Variants in TMEM61 observed in about 807,000 individuals in gnomAD.
TMEM61 encodes transmembrane protein 61.
A neutral mutation model predicts 12.0 loss-of-function variants in TMEM61; 13 were observed. The ratio of observed to expected loss-of-function variants is 1.08; its 90% CI spans 0.70 to 1.72. TMEM61 has a LOEUF of 1.72. Ranked by LOEUF, TMEM61 falls within the 40% of genes most tolerant of loss-of-function variation. The probability of loss-of-function intolerance (pLI) is 0.00; values close to 1 mark genes in which losing one functional copy is unlikely to be tolerated. For synonymous variants in TMEM61, 109 were observed against 121.4 expected, an observed-to-expected ratio of 0.90 and a Z score of 0.67; for missense variants, 249 against 276.9, an observed-to-expected ratio of 0.90 and a Z score of 0.71.
At chr1:54,981,115 C>A in intron 1 of TMEM61, 35 bp downstream of exon 1, 1 of 1,575,186 alleles carries the variant, frequency 6.3e-7, no homozygotes, top group Non-Finnish European at 8.6e-7. Context: ...CCTTTACGGG[C>A]ACTCAGCCCC....
chr1:54,991,725 C>A, intron 2 of TMEM61, 111 bp from the exon 3 acceptor site: 1 of 1,318,448 alleles, frequency 7.6e-7, no homozygotes, highest in Non-Finnish European at 1.1e-6. Flanking sequence ...GCCACAAAGG[C>A]TTGGAGCAGG....
At chr1:54,982,395 C>T (rs538616939) in intron 1 of TMEM61, among the ~76,000 whole-genome samples, 2 of 152,282 alleles carry the variant, frequency 1.3e-5, no homozygotes, top group South Asian at 4.1e-4. Flanking sequence ...CTGATAGTGA[C>T]ATCCCTGACC....
At position 54,990,523 on chromosome 1, in the gene TMEM61, T is replaced by C. The variant is rs192581690; in HGVS notation, c.366-1313T>C. Among the ~76,000 whole-genome samples, 551 of 152,284 alleles carry C rather than the reference T, an allele frequency of 3.6e-3. 10 individuals carry two copies. The South Asian group carries it at 0.05, about 14-fold the overall frequency. ...CCGTCAGCTAAGTCCCATCTACTGC[T>C]TCTTCTGTTCCCCAGACTGGCCTCT... is the stretch of plus-strand genomic sequence containing the variant. On this transcript the variant is annotated intron_variant, in intron 2 of 2. Transcript: ENST00000371268.
chr1:54,987,802 C>T (rs993977563), intron 2 of TMEM61, among the ~76,000 whole-genome samples: 1 of 152,206 alleles, frequency 6.6e-6, no homozygotes, highest in African/African-American at 2.4e-5. Flanking sequence ...CCCTGGATCC[C>T]TGTGTGTGAG....
intron 1 of TMEM61, 146 bp from the exon 2 acceptor site, chr1:54,985,951 A>G: frequency 1.5e-6 from 1 of 665,250 alleles, no homozygotes; most frequent in Non-Finnish European, 2.4e-6. Flanking sequence ...CATCATCTCC[A>G]CTTCACAGAT....
At chr1:54,981,195 C>T (rs1336967271) in intron 1 of TMEM61, 115 bp downstream of exon 1, 15 of 1,219,164 alleles carry the variant, frequency 1.2e-5, no homozygotes, top group Non-Finnish European at 1.6e-5. Flanking sequence ...GCAGTGTGGA[C>T]ACCCGGGGCT....
intron 2 of TMEM61, among the ~76,000 whole-genome samples, chr1:54,990,371 C>T (rs1644287522): frequency 6.6e-6 from 1 of 152,266 alleles, no homozygotes; most frequent in East Asian, 1.9e-4. Context: ...GTGAGCCTCC[C>T]AGCAGGCTGC....
At chr1:54,981,337 G>A (rs971892393) in intron 1 of TMEM61, among the ~76,000 whole-genome samples, 7 of 152,204 alleles carry the variant, frequency 4.6e-5, no homozygotes, top group Admixed American at 2.0e-4. Flanking sequence ...CCTTATTGGG[G>A]CCTGGTGCGG....
At chr1:54,987,170 A>G (rs1644266599) in intron 2 of TMEM61, among the ~76,000 whole-genome samples, 1 of 152,198 alleles carries the variant, frequency 6.6e-6, no homozygotes, top group Non-Finnish European at 1.5e-5. Context: ...CCCACTCCCT[A>G]CTTCAGGTGA....
At chr1:54,985,320 T>C (rs1417685590) in intron 1 of TMEM61, among the ~76,000 whole-genome samples, 2 of 152,194 alleles carry the variant, frequency 1.3e-5, no homozygotes, top group Non-Finnish European at 2.9e-5. Context: ...CACTACAACC[T>C]CTGCCTCCCA....
chr1:54,981,382 C>T (rs1406726313), intron 1 of TMEM61, among the ~76,000 whole-genome samples: 2 of 152,172 alleles, frequency 1.3e-5, no homozygotes, highest in Non-Finnish European at 2.9e-5. Context: ...CTTTGGGAGG[C>T]CGAGGCGGGC....
rs757297246 is a variant in TMEM61 at position 54,991,973 on chromosome 1, C to G, written c.503C>G (p.Thr168Ser). Residue 168 changes from threonine to serine, a missense_variant, in exon 3 of 3, where the codon ACC (threonine) becomes AGC (serine). Coordinates refer to ENST00000371268, the MANE Select transcript of TMEM61 (RefSeq NM_182532.3). ...GGATCGAGGGATGCCCTGCTCAGCA[C>G]CCAGCCCGCCTGGCCTCCACCCAGC... ...PSGSRDALLS[T>S]QPAWPPPSYE... 6.2e-6 allele frequency: 10 copies of G among 1,614,192 alleles called. No homozygotes were observed. The highest frequency in any genetic ancestry group is 7.6e-6 in the Non-Finnish European group (9 of 1,180,052).
At chr1:54,985,584 G>A (rs1443905422) in intron 1 of TMEM61, among the ~76,000 whole-genome samples, 3 of 152,024 alleles carry the variant, frequency 2.0e-5, no homozygotes, top group South Asian at 2.1e-4. Context: ...TGCGAATTTC[G>A]GCCTCAGACT....
intron 2 of TMEM61, among the ~76,000 whole-genome samples, chr1:54,988,375 C>T (rs1319478518): frequency 6.6e-6 from 1 of 152,184 alleles, no homozygotes; most frequent in Non-Finnish European, 1.5e-5. Flanking sequence ...GGGAGGAAGC[C>T]CACCTAGGAG....
Position 54,980,634 on chromosome 1 carries a change from G to A in TMEM61, c.-432G>A, listed in dbSNP as rs994252202. On this transcript the variant is annotated 5_prime_UTR_variant, in exon 1 of 3. Coordinates refer to ENST00000371268, the MANE Select transcript of TMEM61 (RefSeq NM_182532.3). ...GCGGGGCGGGCTGGGCGACAGCGCTGGACACCTGGAGCTGCCCGAGGACGC... is the reference window on the plus strand; with the variant it reads ...GCGGGGCGGGCTGGGCGACAGCGCTAGACACCTGGAGCTGCCCGAGGACGC... Among the ~76,000 whole-genome samples the A allele has an allele frequency of 6.6e-6, 1 of 152,088 alleles. No homozygotes were observed. The highest frequency in any genetic ancestry group is 2.4e-5 in the African/African-American group (1 of 41,424).
chr1:54,988,479 G>T (rs1342190874), intron 2 of TMEM61, among the ~76,000 whole-genome samples: 1 of 152,238 alleles, frequency 6.6e-6, no homozygotes, highest in Non-Finnish European at 1.5e-5. Flanking sequence ...TTCTGCTGGA[G>T]GTGCTCTTTC....
chr1:54,988,483 C>T (rs1644274948), intron 2 of TMEM61, among the ~76,000 whole-genome samples: 1 of 152,242 alleles, frequency 6.6e-6, no homozygotes, highest in Admixed American at 6.5e-5. Flanking sequence ...GCTGGAGGTG[C>T]TCTTTCCTGT....
rs148773188 is a variant in TMEM61, at chr1:54,986,177, G to C, written c.96G>C (p.Thr32=). 1 of 1,613,384 alleles carries C rather than the reference G, an allele frequency of 6.2e-7. No homozygotes were observed. The highest frequency in any genetic ancestry group is 8.5e-7 in the Non-Finnish European group (1 of 1,179,732). The change falls in exon 2 of 3, where the codon ACG becomes ACC. Residue 32 remains threonine (T), a synonymous_variant. Coordinates refer to ENST00000371268, the MANE Select transcript of TMEM61 (RefSeq NM_182532.3). ...GCACAGTGGTTCTGGTGGCCGGGACGCTCTGCTTCGCTTGGTGGAGCGAAG... is the reference window on the plus strand; with the variant it reads ...GCACAGTGGTTCTGGTGGCCGGGACCCTCTGCTTCGCTTGGTGGAGCGAAG... ...VSGTVVLVAG[T]LCFAWWSEGD... is the part of the protein sequence containing the mutation.
chr1:54,988,261 G>A (rs1337472994), intron 2 of TMEM61, among the ~76,000 whole-genome samples: 18 of 152,256 alleles, frequency 1.2e-4, no homozygotes, highest in Admixed American at 1.2e-3. Context: ...CGTGAGTGCA[G>A]GGGGTGGGTG....
Sources: gnomAD v4.1 joint callset for allele counts (sites outside exome capture counted in the v4.1 genomes callset) on GRCh38, gnomAD v4.1.1 for gene constraint, MANE v1.5 for transcripts, NCBI Gene and HGNC (gene_info 2026-07-23, HGNC 2026-07-21) for gene names.